MYOF: variants seen among roughly 807,000 people sequenced by gnomAD.
MYOF encodes the protein fer-1-like 3, myoferlin.
A neutral mutation model predicts 284.2 loss-of-function variants in MYOF; 244 were observed. The ratio of observed to expected loss-of-function variants is 0.86; its 90% CI spans 0.77 to 0.95. MYOF has a LOEUF of 0.95. Ranked by LOEUF, MYOF falls within the 40% of genes least tolerant of loss-of-function variation. MYOF has a pLI of 0.00. For synonymous variants in MYOF, 904 were observed against 919.7 expected, an observed-to-expected ratio of 0.98 and a Z score of 0.31; for missense variants, 2,496 against 2,560.6, an observed-to-expected ratio of 0.97 and a Z score of 0.54.
rs370100946 is a variant in MYOF, at chr10:93,313,080, C to T, written c.5829G>A (p.Gln1943=). ...ATGGCCACCATCCTTTCATGGACTTCTGCTCAAAGAGGGAGGCTGTCTTGG... is the reference window on the plus strand; with the variant it reads ...ATGGCCACCATCCTTTCATGGACTTTTGCTCAAAGAGGGAGGCTGTCTTGG... ...LKAKTASLFE[Q]KSMKGWWPCY... The change falls in exon 51 of 54, where the codon CAG becomes CAA. Residue 1943 remains glutamine (Q), a synonymous_variant. Transcript: ENST00000359263. 47 of 1,613,982 alleles carry T rather than the reference C, an allele frequency of 2.9e-5. No individual in the cohort carries two copies. The highest frequency in any genetic ancestry group is 8.3e-5 in the Admixed American group (5 of 60,000).
intron 1 of MYOF, among the ~76,000 whole-genome samples, chr10:93,466,277 T>C (rs978503311): frequency 6.6e-6 from 1 of 152,118 alleles, no homozygotes; most frequent in Non-Finnish European, 1.5e-5. Context: ...GAGAAAGGCA[T>C]TTTGGGCAAG....
In MYOF at chr10:93,333,871, G is replaced by A. The variant is rs1843467595; in HGVS notation, c.4606C>T (p.Pro1536Ser). ...TCCCGAAACTGTCTGGGAGGGGCTG[G>A]CACGCTGGGGTCATCCGGCAGAGGG... Reference protein sequence around the residue: ...IYPLPDDPSVPAPPRQFRELP... With the variant: ...IYPLPDDPSVSAPPRQFRELP... The change falls in exon 42 of 54, where the codon CCA becomes TCA. Residue 1536 changes from proline to serine, a missense_variant. This residue lies in a region of MYOF where 2,436 missense variants were observed against 2,480.7 expected (regional missense o/e 0.98). Coordinates refer to ENST00000359263, the MANE Select transcript of MYOF (RefSeq NM_013451.4). 1 of 1,614,080 alleles carries A rather than the reference G, an allele frequency of 6.2e-7. No homozygotes were observed. Among genetic ancestry groups the A allele is most frequent in the Admixed American group, 1.7e-5 (1 of 60,012 alleles).
At chr10:93,367,009 C>A (rs527691247) in intron 25 of MYOF, among the ~76,000 whole-genome samples, 1 of 152,176 alleles carries the variant, frequency 6.6e-6, no homozygotes, top group African/African-American at 2.4e-5. Context: ...ACTTGGGGCA[C>A]ATTTCCCTGT....
chr10:93,444,859 A>G (rs1344918682), intron 3 of MYOF, among the ~76,000 whole-genome samples: 1 of 152,238 alleles, frequency 6.6e-6, no homozygotes. Context: ...TAGGGCCAGG[A>G]TGCCAACAGA....
At chr10:93,362,933 T>C (rs1362716342) in intron 27 of MYOF, among the ~76,000 whole-genome samples, 1 of 152,172 alleles carries the variant, frequency 6.6e-6, no homozygotes, top group East Asian at 1.9e-4. Flanking sequence ...AATGCAAGGA[T>C]CTTCCCTACA....
chr10:93,310,232 A>G (rs1030714015), intron 52 of MYOF, 65 bp from the exon 53 acceptor site: 5 of 1,552,288 alleles, frequency 3.2e-6, no homozygotes, highest in African/African-American at 1.4e-5. Flanking sequence ...ATTCCAGAGC[A>G]TAACACAGTT....
chr10:93,391,713 A>C (rs1033966040), intron 17 of MYOF, among the ~76,000 whole-genome samples: 1 of 152,202 alleles, frequency 6.6e-6, no homozygotes, highest in Non-Finnish European at 1.5e-5. Context: ...AAACTTCCCA[A>C]TGTCCTTGCT....
At chr10:93,467,108 C>G (rs1395947591) in intron 1 of MYOF, among the ~76,000 whole-genome samples, 1 of 152,048 alleles carries the variant, frequency 6.6e-6, no homozygotes. Context: ...CAGTAAGTGG[C>G]AGAGCTGAGC....
At chr10:93,472,214 C>T (rs1394009311) in intron 1 of MYOF, among the ~76,000 whole-genome samples, 1 of 152,138 alleles carries the variant, frequency 6.6e-6, no homozygotes, top group Non-Finnish European at 1.5e-5. Context: ...TGCTAAGAAC[C>T]TACTATGCCC....
chr10:93,436,272 C>T (rs1012670260), intron 3 of MYOF, among the ~76,000 whole-genome samples: 117 of 152,242 alleles, frequency 7.7e-4, no homozygotes, highest in African/African-American at 2.0e-3. Flanking sequence ...AATCAGTATC[C>T]GCTAGTTTCC....
At chr10:93,347,912 T>G in intron 36 of MYOF, 130 bp from the exon 37 acceptor site, 1 of 912,944 alleles carries the variant, frequency 1.1e-6, no homozygotes, top group South Asian at 2.1e-5. Context: ...GTTCAGTTAC[T>G]CATGTGCCAG....
chr10:93,336,948 G>A (rs1003838454), intron 40 of MYOF, among the ~76,000 whole-genome samples: 1 of 151,018 alleles, frequency 6.6e-6, no homozygotes, highest in African/African-American at 2.4e-5. Flanking sequence ...GGAAAGAAAG[G>A]TAGGAAGACA....
intron 5 of MYOF, among the ~76,000 whole-genome samples, chr10:93,421,312 A>G (rs1341073402): frequency 6.6e-6 from 1 of 152,222 alleles, no homozygotes; most frequent in Non-Finnish European, 1.5e-5. Flanking sequence ...TGCAATGCCA[A>G]GAGGTATGGC....
intron 50 of MYOF, among the ~76,000 whole-genome samples, chr10:93,316,091 C>T (rs1295245583): frequency 6.6e-6 from 1 of 152,036 alleles, no homozygotes. Context: ...TGCCACTGCA[C>T]TCCAGCCTGG....
intron 3 of MYOF, among the ~76,000 whole-genome samples, chr10:93,432,928 G>A (rs1453837015): frequency 1.3e-4 from 20 of 152,126 alleles, no homozygotes. Flanking sequence ...CATTTTTATA[G>A]TTGGGGAACA....
At chr10:93,368,948 A>C (rs902345007) in intron 25 of MYOF, among the ~76,000 whole-genome samples, 1 of 152,212 alleles carries the variant, frequency 6.6e-6, no homozygotes, top group African/African-American at 2.4e-5. Context: ...TTGAGTTAAA[A>C]ATAGCATAAA....
intron 1 of MYOF, among the ~76,000 whole-genome samples, chr10:93,470,904 G>T (rs2057131740): frequency 6.6e-6 from 1 of 152,120 alleles, no homozygotes; most frequent in African/African-American, 2.4e-5. Context: ...GCTAAACATA[G>T]GAGGGACAGA....
chr10:93,434,493 C>G (rs1170918822), intron 3 of MYOF, among the ~76,000 whole-genome samples: 1 of 151,168 alleles, frequency 6.6e-6, no homozygotes, highest in Non-Finnish European at 1.5e-5. Context: ...ATTTTTGCCT[C>G]CAGAGGGACA....
chr10:93,430,843 C>T (rs958631921), intron 4 of MYOF, among the ~76,000 whole-genome samples: 7 of 151,978 alleles, frequency 4.6e-5, no homozygotes, highest in Admixed American at 2.0e-4. Context: ...AGGTCCATGT[C>T]GTTTGCAAAC....
Sources: allele counts gnomAD v4.1 joint callset (sites outside exome capture counted in the v4.1 genomes callset), GRCh38; gene constraint gnomAD v4.1.1; regional missense constraint gnomAD v4.1.1; transcripts MANE v1.5; gene names NCBI Gene and HGNC (gene_info 2026-07-23, HGNC 2026-07-21).